The following EFR3A variants were observed in gnomAD, a reference collection of about 807,000 sequenced individuals.
The protein encoded by EFR3A is protein EFR3 homolog A.
Under a neutral mutation model 104.4 loss-of-function variants are expected in EFR3A, and 76 were observed. The observed-to-expected ratio is 0.73, with a 90% CI of 0.60 to 0.88. EFR3A has a LOEUF of 0.88. Ranked by LOEUF, EFR3A falls within the 40% of genes least tolerant of loss-of-function variation. The probability of loss-of-function intolerance (pLI) is 0.00; values close to 1 mark genes in which losing one functional copy is unlikely to be tolerated. For missense variants in EFR3A, 985 were observed against 1,012.5 expected, an observed-to-expected ratio of 0.97 and a Z score of 0.37; for synonymous variants, 330 against 330.0, an observed-to-expected ratio of 1.00 and a Z score of 0.00.
chr8:131,958,436 T>C (rs28444543), intron 7 of EFR3A, among the ~76,000 whole-genome samples: 64,375 of 151,654 alleles, frequency 0.42, 13,929 homozygotes, highest in Middle Eastern at 0.56. Context: ...TTTTAATTAG[T>C]GGGTTTCATT....
chr8:131,987,788 A>C, intron 18 of EFR3A, 86 bp downstream of exon 18: 1 of 1,401,880 alleles, frequency 7.1e-7, no homozygotes, highest in Non-Finnish European at 9.7e-7. Flanking sequence ...AATGAAAATT[A>C]ATTCTGGTGT....
At chr8:131,972,705 G>T (rs1041847665) in intron 10 of EFR3A, among the ~76,000 whole-genome samples, 1 of 152,058 alleles carries the variant, frequency 6.6e-6, no homozygotes, top group Admixed American at 6.6e-5. Context: ...TATTCCTGGG[G>T]TCTAGTACCT....
At chr8:131,911,819 T>C (rs1271569608) in intron 1 of EFR3A, among the ~76,000 whole-genome samples, 1 of 152,246 alleles carries the variant, frequency 6.6e-6, no homozygotes, top group Non-Finnish European at 1.5e-5. Context: ...TTTCTTGGAT[T>C]ATCTGAGCAT....
chr8:131,961,560 G>A (rs985931356), intron 8 of EFR3A, among the ~76,000 whole-genome samples: 3 of 152,222 alleles, frequency 2.0e-5, no homozygotes, highest in African/African-American at 4.8e-5. Flanking sequence ...ATGGGACTAC[G>A]TGAAAAGACC....
intron 1 of EFR3A, among the ~76,000 whole-genome samples, chr8:131,937,331 A>G (rs1301728866): frequency 2.6e-5 from 4 of 152,164 alleles, no homozygotes; most frequent in African/African-American, 9.7e-5. Flanking sequence ...TGTGAGAAGT[A>G]GGTAGTAGGA....
At position 131,955,798 on chromosome 8, in the gene EFR3A, A is replaced by C; in HGVS notation, c.669A>C (p.Ala223=). The C allele has an allele frequency of 6.2e-7, 1 of 1,613,158 alleles. No homozygotes were observed. Among genetic ancestry groups the C allele is most frequent in the Non-Finnish European group, 8.5e-7 (1 of 1,179,356 alleles). The change falls in exon 7 of 23, where the codon GCA becomes GCC. Residue 223 remains alanine (A), a synonymous_variant. Coordinates refer to ENST00000254624, the MANE Select transcript of EFR3A (RefSeq NM_015137.6). ...SRIGPPSSPS[A]TDKEENPAVL... The stretch of plus-strand genomic sequence containing the variant: ...TAGGCCCTCCTTCTTCTCCTTCTGC[A>C]ACTGACAAAGAAGAGAATCCTGCTG...
At chr8:131,971,833 A>C (rs1249098065) in intron 10 of EFR3A, among the ~76,000 whole-genome samples, 1 of 152,172 alleles carries the variant, frequency 6.6e-6, no homozygotes, top group East Asian at 1.9e-4. Flanking sequence ...AGGCATTATT[A>C]TATTCCTCCA....
intron 1 of EFR3A, among the ~76,000 whole-genome samples, chr8:131,932,736 A>G (rs1291253049): frequency 6.6e-6 from 1 of 152,124 alleles, no homozygotes; most frequent in Non-Finnish European, 1.5e-5. Flanking sequence ...GACTTTACCA[A>G]TTGTTTCCCT....
chr8:131,988,145 G>A (rs943653069), intron 18 of EFR3A, among the ~76,000 whole-genome samples: 1 of 150,780 alleles, frequency 6.6e-6, no homozygotes, highest in African/African-American at 2.4e-5. Context: ...TTTTGAGTTA[G>A]GAATTTTTTT....
At chr8:131,927,692 G>A (rs1817371152) in intron 1 of EFR3A, among the ~76,000 whole-genome samples, 1 of 152,020 alleles carries the variant, frequency 6.6e-6, no homozygotes, top group South Asian at 2.1e-4. Flanking sequence ...GTGCCAATCA[G>A]TTACCAGCTA....
intron 1 of EFR3A, among the ~76,000 whole-genome samples, chr8:131,931,361 G>A (rs1586555732): frequency 6.6e-6 from 1 of 152,202 alleles, no homozygotes; most frequent in Non-Finnish European, 1.5e-5. Context: ...AGAAGTTGTG[G>A]TAATTGTTTC....
At position 132,011,565 on chromosome 8, in the gene EFR3A, G is replaced by A. The variant is rs1822346438; in HGVS notation, c.*670G>A. ...ATATTGTGTTTCCTGCCAAGAGTTT[G>A]ACCATTCTGCTTGAGAAGTGTAGAG... is the stretch of plus-strand genomic sequence containing the variant. On this transcript the variant is annotated 3_prime_UTR_variant, in exon 23 of 23. Transcript: ENST00000254624. 1 of 421,612 alleles carries A rather than the reference G, an allele frequency of 2.4e-6. No individual in the cohort carries two copies. The highest frequency in any genetic ancestry group is 3.2e-6 in the Non-Finnish European group (1 of 314,636). The allele number at this position is 421,612 out of a possible 1,614,324, so 26.1% of individuals were successfully genotyped here. A position where few individuals can be genotyped will look rare whatever the true frequency, so the allele number is the denominator to read the frequency against.
At chr8:131,975,961 T>A (rs1443571225) in intron 10 of EFR3A, 66 bp from the exon 11 acceptor site, 1 of 1,001,246 alleles carries the variant, frequency 1.0e-6, no homozygotes, top group Admixed American at 2.4e-5. Flanking sequence ...TGGCTAAAAA[T>A]AATTTTGTAT....
intron 10 of EFR3A, among the ~76,000 whole-genome samples, chr8:131,971,745 T>G (rs1226809764): frequency 6.6e-6 from 1 of 152,162 alleles, no homozygotes; most frequent in East Asian, 1.9e-4. Context: ...ATACGTGATA[T>G]GTTCTTCTCA....
At chr8:131,968,264 A>G (rs1183167880) in intron 8 of EFR3A, 31 bp from the exon 9 acceptor site, 4 of 1,599,518 alleles carry the variant, frequency 2.5e-6, no homozygotes, top group Non-Finnish European at 2.6e-6. Context: ...TGTACTTTTT[A>G]TACATCTTTG....
At chr8:131,987,922 A>C (rs1423882848) in intron 18 of EFR3A, among the ~76,000 whole-genome samples, 12 of 152,262 alleles carry the variant, frequency 7.9e-5, no homozygotes, top group African/African-American at 2.9e-4. Context: ...CCAGGAGCAA[A>C]TCAAGTCCTT....
chr8:131,932,637 A>C (rs1246180978), intron 1 of EFR3A, among the ~76,000 whole-genome samples: 1 of 152,144 alleles, frequency 6.6e-6, no homozygotes, highest in East Asian at 1.9e-4. Context: ...ATTTTCTCTA[A>C]GACATGGAAG....
chr8:131,984,499 A>G (rs1354333212), intron 15 of EFR3A, among the ~76,000 whole-genome samples, 199 bp downstream of exon 15: 2 of 152,198 alleles, frequency 1.3e-5, no homozygotes, highest in Non-Finnish European at 1.5e-5. Flanking sequence ...TGTGCTAAAT[A>G]TCCTTCAAGG....
In EFR3A at chr8:131,957,026, A is replaced by G. The variant is rs1250477582; in HGVS notation, c.776+1121A>G. Reference sequence around the variant, plus strand: ...AGAAAGAATTTACCAAATAAGTTGTACTTGAGTTGAATAACTTGAACTCAG... The same window carrying G: ...AGAAAGAATTTACCAAATAAGTTGTGCTTGAGTTGAATAACTTGAACTCAG... On this transcript the variant is annotated intron_variant, in intron 7 of 22. Transcript: ENST00000254624. Among the ~76,000 whole-genome samples, 4 of 152,194 alleles carry G rather than the reference A, an allele frequency of 2.6e-5. No homozygotes were observed. The East Asian group carries it at 7.7e-4, about 29-fold the overall frequency.
Sources: allele counts gnomAD v4.1 joint callset (sites outside exome capture counted in the v4.1 genomes callset), GRCh38; gene constraint gnomAD v4.1.1; transcripts MANE v1.5; gene names NCBI Gene and HGNC (gene_info 2026-07-23, HGNC 2026-07-21).